The following FBXO21 variants were observed in gnomAD, a reference collection of about 807,000 sequenced individuals.
FBXO21 encodes F-box only protein 21.
Under a neutral mutation model 76.6 loss-of-function variants are expected in FBXO21, and 32 were observed. The ratio of observed to expected loss-of-function variants is 0.42; its 90% CI spans 0.32 to 0.56. The LOEUF (loss-of-function observed/expected upper bound fraction) is 0.56, where lower values mean the gene tolerates loss of function less well. FBXO21 is among the 20% of genes least tolerant of loss of function. The probability of loss-of-function intolerance (pLI) is 0.16; values close to 1 mark genes in which losing one functional copy is unlikely to be tolerated. For synonymous variants in FBXO21, 328 were observed against 311.5 expected (o/e 1.05, Z -0.56); for missense variants, 586 against 797.3 (o/e 0.73, Z 3.19).
At chr12:117,161,087 G>A (rs1000848866) in intron 9 of FBXO21, among the ~76,000 whole-genome samples, 13 of 152,134 alleles carry the variant, frequency 8.5e-5, no homozygotes, top group African/African-American at 3.1e-4. Context: ...CGGAGCAGCA[G>A]CTACCACAGA....
intron 8 of FBXO21, among the ~76,000 whole-genome samples, chr12:117,166,517 T>C (rs540527057): frequency 2.6e-5 from 4 of 150,960 alleles, no homozygotes; most frequent in African/African-American, 7.3e-5. Flanking sequence ...AAATAGTCTA[T>C]TAAAAAAAAG....
chr12:117,146,313 A>T (rs1421041939), intron 11 of FBXO21, 36 bp from the exon 12 acceptor site: 5 of 1,538,146 alleles, frequency 3.3e-6, no homozygotes, highest in Non-Finnish European at 4.4e-6. Flanking sequence ...TTCTCATTAC[A>T]ATGTCCATTG....
intron 9 of FBXO21, among the ~76,000 whole-genome samples, chr12:117,161,063 A>G (rs558515416): frequency 2.2e-4 from 33 of 152,160 alleles, no homozygotes; most frequent in Non-Finnish European, 4.3e-4. Context: ...ACATGTTCTA[A>G]TGGAGACAGA....
intron 11 of FBXO21, among the ~76,000 whole-genome samples, chr12:117,153,326 G>T (rs1349608412): frequency 6.6e-6 from 1 of 152,156 alleles, no homozygotes; most frequent in Non-Finnish European, 1.5e-5. Flanking sequence ...TAGTGAGATG[G>T]GGCAGGCAGG....
intron 4 of FBXO21, 50 bp from the exon 5 acceptor site, chr12:117,174,847 T>C (rs898124054): frequency 6.3e-7 from 1 of 1,587,408 alleles, no homozygotes; most frequent in Non-Finnish European, 8.6e-7. Flanking sequence ...ACCCTTTTCT[T>C]ATTAGTTTGC....
In FBXO21 at chr12:117,181,878, T is replaced by C. The variant is rs182065045; in HGVS notation, c.471-4237A>G. 1.9e-3 allele frequency among the ~76,000 whole-genome samples: 286 copies of C among 152,290 alleles called. 2 individuals carry two copies. Among genetic ancestry groups the C allele is most frequent in the Middle Eastern group, 6.8e-3 (2 of 294 alleles). On this transcript the variant is annotated intron_variant, in intron 3 of 11. Transcript: ENST00000622495. Reference sequence around the variant, plus strand: ...GTTGGCCAGGCTGGTCTCGAACTCCTGACCTCAGGTGATCTGCCCACCTCA... The same window carrying C: ...GTTGGCCAGGCTGGTCTCGAACTCCCGACCTCAGGTGATCTGCCCACCTCA...
At chr12:117,151,682 A>G (rs1955844178) in intron 11 of FBXO21, among the ~76,000 whole-genome samples, 1 of 152,184 alleles carries the variant, frequency 6.6e-6, no homozygotes, top group South Asian at 2.1e-4. Flanking sequence ...CCACGTGATT[A>G]TAACACATTG....
At chr12:117,146,668 T>C (rs750440093) in intron 11 of FBXO21, among the ~76,000 whole-genome samples, 1 of 152,204 alleles carries the variant, frequency 6.6e-6, no homozygotes, top group Non-Finnish European at 1.5e-5. Context: ...TTTCTGAAGC[T>C]GCCATGTCAC....
chr12:117,162,826 T>G (rs1374694839), intron 9 of FBXO21, among the ~76,000 whole-genome samples: 1 of 152,322 alleles, frequency 6.6e-6, no homozygotes, highest in East Asian at 1.9e-4. Flanking sequence ...GGCTGACATC[T>G]GCAGGCGCCA....
At chr12:117,183,304 G>A (rs896419765) in intron 3 of FBXO21, among the ~76,000 whole-genome samples, 1 of 150,780 alleles carries the variant, frequency 6.6e-6, no homozygotes, top group Admixed American at 6.6e-5. Flanking sequence ...AGGCTGGAAT[G>A]CAATGGCGCG....
chr12:117,182,497 A>G (rs1285693696), intron 3 of FBXO21, among the ~76,000 whole-genome samples: 2 of 151,160 alleles, frequency 1.3e-5, no homozygotes, highest in African/African-American at 4.8e-5. Context: ...TCAAAAAAAC[A>G]AACAGGGCTG....
intron 11 of FBXO21, among the ~76,000 whole-genome samples, chr12:117,154,679 T>C (rs1955890001): frequency 1.3e-5 from 2 of 152,334 alleles, no homozygotes; most frequent in South Asian, 4.1e-4. Context: ...CAGGCTGGTC[T>C]CCAACTCCTG....
At chr12:117,184,228 A>T (rs550188476) in intron 3 of FBXO21, among the ~76,000 whole-genome samples, 21 of 152,062 alleles carry the variant, frequency 1.4e-4, no homozygotes, top group African/African-American at 4.6e-4. Flanking sequence ...CAACAAAAAT[A>T]CTTTGTTTGA....
At chr12:117,182,587 T>TTTTC (rs1269796873) in intron 3 of FBXO21, among the ~76,000 whole-genome samples, 2 of 148,104 alleles carry the variant, frequency 1.4e-5, no homozygotes, top group Non-Finnish European at 3.0e-5. Context: ...TTTTTTTTTT[T>TTTTC]GGACCGAGTC....
intron 3 of FBXO21, among the ~76,000 whole-genome samples, chr12:117,182,785 A>C: frequency 6.7e-6 from 1 of 150,000 alleles, no homozygotes; most frequent in Non-Finnish European, 1.5e-5. Context: ...CTGGTCTTGA[A>C]CTCCTGACCT....
At chr12:117,159,323 AG>A (rs1955951650) in intron 9 of FBXO21, among the ~76,000 whole-genome samples, 1 of 151,246 alleles carries the variant, frequency 6.6e-6, no homozygotes, top group Non-Finnish European at 1.5e-5. Context: ...AAAAAAAAAA[AG>A]CTTTTAATCA....
chr12:117,179,051 A>G (rs1342256455), intron 3 of FBXO21, among the ~76,000 whole-genome samples: 1 of 152,204 alleles, frequency 6.6e-6, no homozygotes, highest in Admixed American at 6.5e-5. Context: ...AGCAGGAGAG[A>G]GACAGTGATG....
At chr12:117,173,744 C>T (rs1001088947) in intron 6 of FBXO21, among the ~76,000 whole-genome samples, 2 of 152,170 alleles carry the variant, frequency 1.3e-5, no homozygotes, top group African/African-American at 2.4e-5. Context: ...AACTCCACAA[C>T]AATATCCTTA....
chr12:117,171,850 C>T (rs1956121294), intron 7 of FBXO21, among the ~76,000 whole-genome samples: 1 of 152,122 alleles, frequency 6.6e-6, no homozygotes, highest in South Asian at 2.1e-4. Flanking sequence ...TTCAGAAAAG[C>T]TAGACTATAA....
Sources: gnomAD v4.1 joint callset for allele counts (sites outside exome capture counted in the v4.1 genomes callset) on GRCh38, gnomAD v4.1.1 for gene constraint, MANE v1.5 for transcripts, NCBI Gene and HGNC (gene_info 2026-07-23, HGNC 2026-07-21) for gene names.